COL18A1: variants seen among roughly 807,000 people sequenced by gnomAD.
The protein encoded by COL18A1 is collagen alpha-1(XVIII) chain.
A neutral mutation model predicts 168.0 loss-of-function variants in COL18A1; 133 were observed. The ratio of observed to expected loss-of-function variants is 0.79; its 90% CI spans 0.69 to 0.91. COL18A1 has a LOEUF of 0.91. COL18A1 is among the 40% of genes least tolerant of loss of function. COL18A1 has a pLI of 0.00. For synonymous variants in COL18A1, 949 were observed against 809.0 expected (o/e 1.17, Z -2.94); for missense variants, 2,126 against 1,925.4 (o/e 1.10, Z -1.95).
At chr21:45,467,109 G>A in intron 2 of COL18A1, 1 of 501,136 alleles carries the variant, frequency 2.0e-6, no homozygotes, top group Non-Finnish European at 2.6e-6. Context: ...CCAGACTGTG[G>A]CTGCAAAGCC....
At chr21:45,486,647 G>A (rs893141301) in intron 15 of COL18A1, among the ~76,000 whole-genome samples, 7 of 152,220 alleles carry the variant, frequency 4.6e-5, no homozygotes, top group African/African-American at 1.2e-4. Context: ...TTCGGGCTCC[G>A]TGGCTCTCTC....
At chr21:45,459,876 A>G (rs2034984134) in intron 2 of COL18A1, among the ~76,000 whole-genome samples, 1 of 152,120 alleles carries the variant, frequency 6.6e-6, no homozygotes, top group Non-Finnish European at 1.5e-5. Context: ...TCAGGTCACA[A>G]GGGCTGTGGG....
chr21:45,430,196 C>T lies in COL18A1; in HGVS notation c.106+24723C>T, dbSNP rs554481564. On this transcript the variant is annotated intron_variant, in intron 2 of 41. Coordinates refer to ENST00000651438, the MANE Select transcript of COL18A1 (RefSeq NM_001379500.1). ...AGTGGGGTCATGGTTTGGGGGCCCC[C>T]TATCTTTCTAGCACCCTCTCGCCCT... Among the ~76,000 whole-genome samples the T allele has an allele frequency of 9.9e-5, 15 of 151,872 alleles. No homozygotes were observed. The East Asian group carries it at 1.4e-3, about 14-fold the overall frequency.
chr21:45,437,497 C>G (rs111213114), intron 2 of COL18A1, among the ~76,000 whole-genome samples: 1,592 of 7,634 alleles, frequency 0.21, 7 homozygotes, highest in East Asian at 0.29. Context: ...CACACTCACA[C>G]ACAGGCACTC....
At position 45,494,552 on chromosome 21, in the gene COL18A1, C is replaced by T. The variant is rs367994730; in HGVS notation, c.2360C>T (p.Pro787Leu). 1.1e-5 allele frequency: 17 copies of T among 1,613,352 alleles called. No homozygotes were observed. Among genetic ancestry groups the T allele is most frequent in the Admixed American group, 1.7e-5 (1 of 60,022 alleles). The change falls in exon 27 of 42, where the codon CCG becomes CTG. Residue 787 changes from proline (P) to leucine (L), a missense_variant. Coordinates refer to ENST00000651438, the MANE Select transcript of COL18A1 (RefSeq NM_001379500.1). ...TCTTGTTTTTTTGCTCAGGGAGAGC[C>T]GGGCTTCCGAGGACCCCCGGTAAGT... ...GPAQKGAKGE[P>L]GFRGPPGPYG...
chr21:45,476,537 C>T (rs1436153720), intron 6 of COL18A1, 57 bp downstream of exon 6: 6 of 1,535,900 alleles, frequency 3.9e-6, no homozygotes, highest in East Asian at 2.5e-5. Flanking sequence ...TGGTGTGTAA[C>T]GTGTGTTTGT....
At position 45,429,058 on chromosome 21, in the gene COL18A1, A is replaced by G. The variant is rs182823172; in HGVS notation, c.106+23585A>G. Among the ~76,000 whole-genome samples the G allele has an allele frequency of 4.5e-3, 678 of 150,394 alleles. 10 individuals are homozygous for G. In the Middle Eastern group the frequency reaches 0.049, roughly 11 times the overall value. ...GCTGGGACTATAGGCGCGCCACCCC[A>G]CCCGGCCAATTTTTTTGTATTTTTA... On this transcript the variant is annotated intron_variant, in intron 2 of 41. Transcript: ENST00000651438.
At position 45,511,072 on chromosome 21, in the gene COL18A1, CCA is replaced by C. The variant is rs200927798; in HGVS notation, c.3694-33_3694-32del. ...CAAACACCCACACCCATCCACACCC[CCA>C]CACACCACACACACATACACACGGT... On this transcript the variant is annotated intron_variant, in intron 40 of 41. Transcript: ENST00000651438. 944 of 967,662 alleles carry C rather than the reference CCA, an allele frequency of 9.8e-4. 1 individual carries two copies. The highest frequency in any genetic ancestry group is 3.8e-3 in the South Asian group (270 of 71,102). The allele number at this position is 967,662 out of a possible 1,614,324, so 59.9% of individuals were successfully genotyped here. A position where few individuals can be genotyped will look rare whatever the true frequency, so the allele number is the denominator to read the frequency against.
Position 45,498,389 on chromosome 21 carries a change from G to GGGTCCCCTCTCGCCGCCAC in COL18A1, c.2683+746_2683+747insCGGTCCCCTCTCGCCGCCA, listed in dbSNP as rs1568931165. The GGGTCCCCTCTCGCCGCCAC allele has an allele frequency of 7.6e-6, 5 of 656,100 alleles. No individual in the cohort carries two copies. The highest frequency in any genetic ancestry group is 2.2e-5 in the Admixed American group (1 of 44,882). The allele number at this position is 656,100 out of a possible 1,614,324, so 40.6% of individuals were successfully genotyped here. ...CCACCACGGTCCCCTCTCGCCGCCA[G>GGGTCCCCTCTCGCCGCCAC]GGTCCCCTCTCGCCGCCAGGGTCCC... On this transcript the variant is annotated intron_variant, in intron 32 of 41. Coordinates refer to ENST00000651438, the MANE Select transcript of COL18A1 (RefSeq NM_001379500.1). The surrounding 1 kb of genome is among the most constrained non-coding windows in gnomAD (Gnocchi z 4.5).
chr21:45,434,122 G>GGTGCATGGGCC (rs2034037043), intron 2 of COL18A1, among the ~76,000 whole-genome samples: 14 of 151,902 alleles, frequency 9.2e-5, no homozygotes, highest in African/African-American at 9.6e-5. Flanking sequence ...TGTGTGAGCA[G>GGTGCATGGGCC]ACACTTCCTG....
rs907424362 is a variant in COL18A1, at chr21:45,494,447, C to T, written c.2353-98C>T. On this transcript the variant is annotated intron_variant, in intron 26 of 41. Coordinates refer to ENST00000651438, the MANE Select transcript of COL18A1 (RefSeq NM_001379500.1). ...GGAGGCTATCAGGTGGGGCACAAGCCGCCACCTAACCGTGCCTTCGCCACA... is the reference window on the plus strand; with the variant it reads ...GGAGGCTATCAGGTGGGGCACAAGCTGCCACCTAACCGTGCCTTCGCCACA... 32 of 1,568,062 alleles carry T rather than the reference C, an allele frequency of 2.0e-5. 1 individual carries two copies. The highest frequency in any genetic ancestry group is 3.6e-4 in the Middle Eastern group (2 of 5,606).
At chr21:45,474,007 G>T (rs1206623563) in intron 4 of COL18A1, 26 bp downstream of exon 4, 1 of 1,552,990 alleles carries the variant, frequency 6.4e-7, no homozygotes, top group Admixed American at 1.9e-5. Context: ...GGCACGGGTG[G>T]GGTCTCCCCT....
intron 20 of COL18A1, 31 bp from the exon 21 acceptor site, chr21:45,490,805 G>A: frequency 6.5e-7 from 1 of 1,549,404 alleles, no homozygotes. Flanking sequence ...GTTTCTGTTG[G>A]TGATGAACCA....
At chr21:45,447,111 T>C (rs117205398) in intron 2 of COL18A1, among the ~76,000 whole-genome samples, 3,485 of 152,196 alleles carry the variant, frequency 0.023, 58 homozygotes, top group Middle Eastern at 0.059. Flanking sequence ...CTGGAGGTTC[T>C]AGCCACGAAA....
chr21:45,432,720 C>T (rs1223431468), intron 2 of COL18A1, among the ~76,000 whole-genome samples: 1 of 152,198 alleles, frequency 6.6e-6, no homozygotes, highest in Non-Finnish European at 1.5e-5. Flanking sequence ...GGGCTGGGAT[C>T]TGGAAGCTTC....
At chr21:45,477,573 A>C in intron 7 of COL18A1, 86 bp downstream of exon 7, 1 of 1,382,566 alleles carries the variant, frequency 7.2e-7, no homozygotes. Flanking sequence ...GCCCTGATGA[A>C]GCCCCTCTGT....
At chr21:45,501,303 A>G (rs2036808996) in intron 32 of COL18A1, among the ~76,000 whole-genome samples, 1 of 152,086 alleles carries the variant, frequency 6.6e-6, no homozygotes, top group Non-Finnish European at 1.5e-5. Flanking sequence ...ATCAATCATT[A>G]TAGGGGGACT....
At chr21:45,451,963 C>T (rs929445610) in intron 2 of COL18A1, among the ~76,000 whole-genome samples, 8 of 152,250 alleles carry the variant, frequency 5.3e-5, no homozygotes, top group African/African-American at 1.2e-4. Flanking sequence ...TCCCTCATGA[C>T]GACACGTGTG....
intron 2 of COL18A1, among the ~76,000 whole-genome samples, chr21:45,419,159 A>G (rs1349325223): frequency 1.3e-5 from 2 of 152,140 alleles, no homozygotes; most frequent in South Asian, 2.1e-4. Flanking sequence ...GTGTAGTGAC[A>G]TGCAATTCCA....
Sources: allele counts gnomAD v4.1 joint callset (sites outside exome capture counted in the v4.1 genomes callset), GRCh38; gene constraint gnomAD v4.1.1; non-coding constraint Gnocchi (gnomAD v3.1); transcripts MANE v1.5; gene names NCBI Gene and HGNC (gene_info 2026-07-23, HGNC 2026-07-21).